Variants in GART observed in about 807,000 individuals in gnomAD.
GART encodes trifunctional purine biosynthetic protein adenosine-3.
Under a neutral mutation model 107.2 loss-of-function variants are expected in GART, and 43 were observed. The ratio of observed to expected loss-of-function variants is 0.40; its 90% CI spans 0.31 to 0.52. GART has a LOEUF of 0.52. Among genes scored for constraint, GART ranks in the 20% least tolerant of loss-of-function variants. The probability of loss-of-function intolerance (pLI) is 0.52; values close to 1 mark genes in which losing one functional copy is unlikely to be tolerated. For synonymous variants in GART, 434 were observed against 427.0 expected (o/e 1.02, Z -0.20); for missense variants, 1,107 against 1,206.5 (o/e 0.92, Z 1.22).
At chr21:33,505,482 G>GCAA in intron 20 of GART, 79 bp downstream of exon 20, 1 of 1,274,808 alleles carries the variant, frequency 7.8e-7, no homozygotes, top group African/African-American at 1.5e-5. Flanking sequence ...TTCACTACTG[G>GCAA]GATTGTTTGG....
At chr21:33,505,884 A>G in intron 19 of GART, 90 bp downstream of exon 19, 1 of 1,543,482 alleles carries the variant, frequency 6.5e-7, no homozygotes, top group South Asian at 1.2e-5. Context: ...CGAAGTCCCA[A>G]GAACAAGTGC....
chr21:33,534,206 A>G (rs954480669), intron 4 of GART, among the ~76,000 whole-genome samples: 2 of 152,044 alleles, frequency 1.3e-5, no homozygotes, highest in African/African-American at 4.8e-5. Context: ...CACAGAAGTG[A>G]CCTGTATATT....
chr21:33,529,394 C>G (rs1216330865), intron 7 of GART, among the ~76,000 whole-genome samples: 1 of 151,438 alleles, frequency 6.6e-6, no homozygotes, highest in Non-Finnish European at 1.5e-5. Context: ...GTGTGAACCA[C>G]TGTGCCTGGC....
At chr21:33,512,519 TG>T (rs1013491698) in intron 16 of GART, among the ~76,000 whole-genome samples, 22 of 152,128 alleles carry the variant, frequency 1.4e-4, no homozygotes, top group Non-Finnish European at 2.9e-4. Flanking sequence ...GAAGCCAATG[TG>T]AACTCAGCTT....
chr21:33,516,986 T>C lies in GART; in HGVS notation c.2107+3A>G. Reference sequence around the variant, plus strand: ...GAACAGAAGTTCGTTTTAGTGATCTTACCTAAATCTACCCCAAGTTTCTCA... The same window carrying C: ...GAACAGAAGTTCGTTTTAGTGATCTCACCTAAATCTACCCCAAGTTTCTCA... On this transcript the variant is annotated splice_donor_region_variant and intron_variant, in intron 16 of 21. Transcript: ENST00000381815. The C allele has an allele frequency of 6.3e-7, 1 of 1,592,076 alleles. No individual in the cohort carries two copies. The highest frequency in any genetic ancestry group is 8.5e-7 in the Non-Finnish European group (1 of 1,174,126).
At chr21:33,511,708 CTA>C (rs2084788660) in intron 16 of GART, among the ~76,000 whole-genome samples, 1 of 152,164 alleles carries the variant, frequency 6.6e-6, no homozygotes, top group South Asian at 2.1e-4. Flanking sequence ...CATTAACTAA[CTA>C]GACCCTTAGA....
chr21:33,535,587 C>T (rs148313313), intron 2 of GART, among the ~76,000 whole-genome samples: 74 of 152,224 alleles, frequency 4.9e-4, no homozygotes, highest in African/African-American at 1.7e-3. Context: ...AAAGTATCAC[C>T]TCCATGATAT....
chr21:33,504,010 G>A lies in GART; in HGVS notation c.*114C>T. The A allele has an allele frequency of 4.6e-6, 4 of 866,916 alleles. No homozygotes were observed. The highest frequency in any genetic ancestry group is 6.9e-6 in the Non-Finnish European group (4 of 576,894). The allele number at this position is 866,916 out of a possible 1,614,324, so 53.7% of individuals were successfully genotyped here. On this transcript the variant is annotated 3_prime_UTR_variant, in exon 22 of 22. Coordinates refer to ENST00000381815, the MANE Select transcript of GART (RefSeq NM_000819.5). ...AAAAAAATAGATGAAGTAAGGGTGA[G>A]GTCTTTTTTGTCTTTTAGCAGTTTT...
At chr21:33,528,756 TAAAAAAA>T in intron 8 of GART, 87 bp downstream of exon 8, 1 of 801,786 alleles carries the variant, frequency 1.2e-6, no homozygotes, top group South Asian at 2.1e-5. Context: ...TAAAAAGTGG[TAAAAAAA>T]AAAAAAAAAG....
At position 33,532,534 on chromosome 21, in the gene GART, C is replaced by T. The variant is rs181068072; in HGVS notation, c.417-78G>A. 47 of 1,055,538 alleles carry T rather than the reference C, an allele frequency of 4.5e-5. No individual in the cohort carries two copies. In the East Asian group the frequency reaches 5.9e-4, roughly 13 times the overall value. 65.4% of individuals were successfully genotyped at this position (1,055,538 alleles called of 1,614,324 possible). ...TTTAAAATGCTGTGGGATTTTGTAA[C>T]GATATGCTATAGCAATGACTGAAAA... is the stretch of plus-strand genomic sequence containing the variant. On this transcript the variant is annotated intron_variant, in intron 4 of 21. Coordinates refer to ENST00000381815, the MANE Select transcript of GART (RefSeq NM_000819.5).
chr21:33,536,401 T>G (rs962235049), intron 2 of GART, among the ~76,000 whole-genome samples: 1 of 152,174 alleles, frequency 6.6e-6, no homozygotes, highest in Non-Finnish European at 1.5e-5. Flanking sequence ...CCACCATTCG[T>G]TAAGTCAGCT....
chr21:33,523,618 A>C (rs1276763565), intron 11 of GART, among the ~76,000 whole-genome samples: 1 of 152,186 alleles, frequency 6.6e-6, no homozygotes, highest in Non-Finnish European at 1.5e-5. Flanking sequence ...TTTGTCTTAA[A>C]ATTTATTCAT....
Position 33,505,685 on chromosome 21 carries a change from C to G in GART, c.2601G>C (p.Leu867=), listed in dbSNP as rs199813683. ...TGTCAAATTCTACACGATTTTTATA[C>G]AGTTTATGATTAATTACCTGTAATA... ...GIPTRVINHK[L]YKNRVEFDSA... is the part of the protein sequence containing the mutation. Residue 867 remains leucine, a synonymous_variant, in exon 20 of 22, where the codon CTG becomes CTC. Coordinates refer to ENST00000381815, the MANE Select transcript of GART (RefSeq NM_000819.5). 1.1e-5 allele frequency: 17 copies of G among 1,605,556 alleles called. No individual in the cohort carries two copies. Among genetic ancestry groups the G allele is most frequent in the Non-Finnish European group, 1.4e-5 (17 of 1,176,898 alleles).
chr21:33,524,807 G>A lies in GART; in HGVS notation c.1260C>T (p.Asp420=), dbSNP rs533823091. 15 of 1,614,246 alleles carry A rather than the reference G, an allele frequency of 9.3e-6. No individual in the cohort carries two copies. The highest frequency in any genetic ancestry group is 6.6e-5 in the South Asian group (6 of 91,090). The change falls in exon 11 of 22, where the codon GAC becomes GAT. Residue 420 remains aspartate (D), a synonymous_variant. Coordinates refer to ENST00000381815, the MANE Select transcript of GART (RefSeq NM_000819.5). ...IKFEGAIYRK[D]VGFRAIAFLQ... ...GGAAAGCTATGGCACGAAAGCCGACGTCTTTCCTATAAATTGCTCCCTCAA... is the reference window on the plus strand; with the variant it reads ...GGAAAGCTATGGCACGAAAGCCGACATCTTTCCTATAAATTGCTCCCTCAA...
At chr21:33,539,092 C>T (rs2085358378) in intron 2 of GART, 79 bp downstream of exon 2, 1 of 1,361,176 alleles carries the variant, frequency 7.3e-7, no homozygotes, top group Admixed American at 2.1e-5. Context: ...TCTTTATTAA[C>T]ATAAAGTACA....
In GART at chr21:33,504,221, G is replaced by A. The variant is rs2145665167; in HGVS notation, c.2936C>T (p.Ala979Val). 17 of 1,614,136 alleles carry A rather than the reference G, an allele frequency of 1.1e-5. No homozygotes were observed. The highest frequency in any genetic ancestry group is 1.4e-5 in the Non-Finnish European group (17 of 1,180,020). The change falls in exon 22 of 22, where the codon GCA becomes GTA. Residue 979 changes from alanine (A) to valine (V), a missense_variant. Transcript: ENST00000381815. ...GGCTGCAGGAAATATTTTATGTTCTGCTAATTTTACTCTTTCAGAAAGAGT... is the reference window on the plus strand; with the variant it reads ...GGCTGCAGGAAATATTTTATGTTCTACTAATTTTACTCTTTCAGAAAGAGT... ...VATLSERVKL[A>V]EHKIFPAALQ...
chr21:33,505,249 T>G (rs1258751712), intron 20 of GART, among the ~76,000 whole-genome samples: 1 of 152,214 alleles, frequency 6.6e-6, no homozygotes, highest in African/African-American at 2.4e-5. Flanking sequence ...GAATATTTAT[T>G]CAAAAGATGA....
At chr21:33,506,551 T>C (rs569401375) in intron 18 of GART, among the ~76,000 whole-genome samples, 97 of 152,294 alleles carry the variant, frequency 6.4e-4, no homozygotes, top group African/African-American at 2.3e-3. Context: ...AAATTCCCTT[T>C]CTCTTGGCAC....
At chr21:33,542,286 C>G (rs984865892), upstream of GART, 1 of 152,280 alleles carries the variant, frequency 6.6e-6, no homozygotes, top group East Asian at 1.9e-4. Flanking sequence ...GACACCCAAG[C>G]CTTAGCACGT....
Sources: allele counts gnomAD v4.1 joint callset (sites outside exome capture counted in the v4.1 genomes callset), GRCh38; gene constraint gnomAD v4.1.1; transcripts MANE v1.5; gene names NCBI Gene and HGNC (gene_info 2026-07-23, HGNC 2026-07-21).